NIBAN1: variants seen among roughly 807,000 people sequenced by gnomAD.
NIBAN1 encodes protein Niban 1.
Under a neutral mutation model 75.1 loss-of-function variants are expected in NIBAN1, and 81 were observed. The ratio of observed to expected loss-of-function variants is 1.08; its 90% CI spans 0.90 to 1.30. The LOEUF is 1.30. Among genes scored for constraint, NIBAN1 ranks in the 50% most tolerant of loss-of-function variants. The pLI is 0.00. For synonymous variants in NIBAN1, 436 were observed against 424.8 expected, an observed-to-expected ratio of 1.03 and a Z score of -0.32; for missense variants, 1,133 against 1,128.1, an observed-to-expected ratio of 1.00 and a Z score of -0.06.
intron 5 of NIBAN1, among the ~76,000 whole-genome samples, chr1:184,869,172 A>T (rs1252528503): frequency 2.6e-5 from 4 of 152,184 alleles, no homozygotes; most frequent in Admixed American, 6.5e-5. Context: ...GGTCATGTCT[A>T]AGGGAAAGGT....
At chr1:184,871,818 T>C (rs1373178302) in intron 5 of NIBAN1, among the ~76,000 whole-genome samples, 1 of 152,212 alleles carries the variant, frequency 6.6e-6, no homozygotes, top group Non-Finnish European at 1.5e-5. Context: ...GAAAATTGTC[T>C]GTCTCAAACC....
At chr1:184,966,518 CCT>C (rs963263551) in intron 1 of NIBAN1, among the ~76,000 whole-genome samples, 12 of 152,146 alleles carry the variant, frequency 7.9e-5, no homozygotes, top group African/African-American at 2.9e-4. Flanking sequence ...CAAATAAATA[CCT>C]GTTTTAAGAG....
chr1:184,933,389 G>A (rs12057488), intron 1 of NIBAN1, among the ~76,000 whole-genome samples: 20 of 152,294 alleles, frequency 1.3e-4, no homozygotes, highest in African/African-American at 3.6e-4. Context: ...TACATTTTCC[G>A]CAAAGCCCTT....
intron 13 of NIBAN1, among the ~76,000 whole-genome samples, chr1:184,796,863 A>G (rs1653887626): frequency 6.6e-6 from 1 of 152,250 alleles, no homozygotes; most frequent in Admixed American, 6.5e-5. Context: ...ACAGACAGCA[A>G]TAAAGTGTCT....
intron 5 of NIBAN1, among the ~76,000 whole-genome samples, chr1:184,844,031 G>T (rs538560114): frequency 6.6e-6 from 1 of 152,272 alleles, no homozygotes; most frequent in East Asian, 1.9e-4. Flanking sequence ...AAACAAATAG[G>T]GAAGATGCTT....
At chr1:184,827,829 G>C (rs1654884748) in intron 6 of NIBAN1, among the ~76,000 whole-genome samples, 1 of 151,954 alleles carries the variant, frequency 6.6e-6, no homozygotes, top group South Asian at 2.1e-4. Flanking sequence ...TGCTGGTCCA[G>C]GCCCCTTGCA....
At chr1:184,813,349 T>C (rs991373054) in intron 9 of NIBAN1, among the ~76,000 whole-genome samples, 1 of 152,178 alleles carries the variant, frequency 6.6e-6, no homozygotes, top group African/African-American at 2.4e-5. Context: ...TTAACTTCAG[T>C]AATTTTTGGG....
intron 3 of NIBAN1, among the ~76,000 whole-genome samples, chr1:184,893,057 C>A (rs1053728051): frequency 6.6e-6 from 1 of 152,216 alleles, no homozygotes; most frequent in African/African-American, 2.4e-5. Context: ...CAGGCATGAG[C>A]TACTGCACCT....
rs998357573 is a variant in NIBAN1 at position 184,884,794 on chromosome 1, C to G, written c.440G>C (p.Ser147Thr). ...DRHFPDPLAS[S>T]EKENTQPFVV... ...AAAGGGCTGAGTGTTCTCCTTCTCA[C>G]TGGAGGCTAAAGAAATATTGAAAAC... Residue 147 changes from serine to threonine, a missense_variant, in exon 5 of 14, where the codon AGT (serine) becomes ACT (threonine). Physicochemically the swap from Ser to Thr is moderately conservative, Grantham distance 58. Coordinates refer to ENST00000367511, the MANE Select transcript of NIBAN1 (RefSeq NM_052966.4). 1 of 1,613,212 alleles carries G rather than the reference C, an allele frequency of 6.2e-7. No individual in the cohort carries two copies. Among genetic ancestry groups the G allele is most frequent in the African/African-American group, 1.3e-5 (1 of 74,868 alleles).
At chr1:184,866,535 T>A (rs1341297941) in intron 5 of NIBAN1, among the ~76,000 whole-genome samples, 1 of 152,126 alleles carries the variant, frequency 6.6e-6, no homozygotes, top group Non-Finnish European at 1.5e-5. Flanking sequence ...AACTGTCAGC[T>A]CCCTATAATA....
At chr1:184,973,509 TG>T (rs1483671634) in intron 1 of NIBAN1, among the ~76,000 whole-genome samples, 1 of 119,664 alleles carries the variant, frequency 8.4e-6, no homozygotes, top group Admixed American at 8.5e-5. Flanking sequence ...AAGTTTGGGG[TG>T]GGGGGTGAGA....
In NIBAN1 at chr1:184,897,705, T is replaced by C. The variant is rs541923310; in HGVS notation, c.186+1474A>G. ...GGCCAAAAGGGAACTCGTGATCCCA[T>C]TCACTCCGACTCTTCCTTCTAAGTA... On this transcript the variant is annotated intron_variant, in intron 2 of 13. Transcript: ENST00000367511. 1.1e-4 allele frequency among the ~76,000 whole-genome samples: 16 copies of C among 152,342 alleles called. No individual in the cohort carries two copies. In the South Asian group the frequency reaches 3.3e-3, roughly 32 times the overall value.
At chr1:184,910,911 T>A (rs906640112) in intron 1 of NIBAN1, among the ~76,000 whole-genome samples, 1 of 152,188 alleles carries the variant, frequency 6.6e-6, no homozygotes, top group Non-Finnish European at 1.5e-5. Flanking sequence ...GCTTTGGACA[T>A]GCACTGGAGC....
chr1:184,891,045 C>G (rs1318950059), intron 3 of NIBAN1, among the ~76,000 whole-genome samples: 2 of 152,162 alleles, frequency 1.3e-5, no homozygotes, highest in Non-Finnish European at 2.9e-5. Context: ...AGAATTTACT[C>G]TTGGAAATGA....
Position 184,808,103 on chromosome 1 carries a change from C to A in NIBAN1, c.1306G>T (p.Val436Phe). The A allele has an allele frequency of 6.2e-7, 1 of 1,614,066 alleles. No homozygotes were observed. The highest frequency in any genetic ancestry group is 8.5e-7 in the Non-Finnish European group (1 of 1,179,960). Residue 436 changes from valine to phenylalanine, a missense_variant, in exon 10 of 14, where the codon GTT (valine) becomes TTT (phenylalanine). Coordinates refer to ENST00000367511, the MANE Select transcript of NIBAN1 (RefSeq NM_052966.4). ...RFRFPHIDLV[V>F]QRTQNYMQEL... ...TGCATGTAGTTCTGTGTCCTCTGAA[C>A]CACCAGATCAATGTGGGGGAATCTG... is the stretch of plus-strand genomic sequence containing the variant.
intron 1 of NIBAN1, among the ~76,000 whole-genome samples, chr1:184,906,797 T>C (rs1657118193): frequency 6.6e-6 from 1 of 152,198 alleles, no homozygotes; most frequent in Non-Finnish European, 1.5e-5. Context: ...CCACAGCAAA[T>C]ACAAGGCTCT....
At chr1:184,873,864 G>C (rs1032560696) in intron 5 of NIBAN1, among the ~76,000 whole-genome samples, 9 of 151,620 alleles carry the variant, frequency 5.9e-5, no homozygotes, top group Admixed American at 5.9e-4. Context: ...GAACCTAAGA[G>C]AGTATAGTAA....
chr1:184,823,723 A>G lies in NIBAN1; in HGVS notation c.737T>C (p.Met246Thr), dbSNP rs772929046. Reference sequence around the variant, plus strand: ...CTGAAGAGTGGGCAGGAGCTCCTCCATCACCAGGTTACTCAGGATCTGCGC... The same window carrying G: ...CTGAAGAGTGGGCAGGAGCTCCTCCGTCACCAGGTTACTCAGGATCTGCGC... Reference protein sequence around the residue: ...DEIQILSNLVMEELLPTLQTD... With the variant: ...DEIQILSNLVTEELLPTLQTD... The change falls in exon 7 of 14, where the codon ATG (methionine) becomes ACG (threonine). Residue 246 changes from methionine (M) to threonine (T), a missense_variant. Physicochemically the swap from Met to Thr is moderately conservative, Grantham distance 81 (BLOSUM62 -1). Transcript: ENST00000367511. The G allele has an allele frequency of 2.5e-6, 4 of 1,614,016 alleles. No individual in the cohort carries two copies. The highest frequency in any genetic ancestry group is 1.1e-5 in the South Asian group (1 of 91,086).
intron 11 of NIBAN1, among the ~76,000 whole-genome samples, chr1:184,805,709 G>T (rs535134072): frequency 6.6e-6 from 1 of 152,270 alleles, no homozygotes; most frequent in East Asian, 1.9e-4. Context: ...AGGCTGGGAC[G>T]CGGGGCCTGT....
Sources: gnomAD v4.1 joint callset for allele counts (sites outside exome capture counted in the v4.1 genomes callset) on GRCh38, gnomAD v4.1.1 for gene constraint, MANE v1.5 for transcripts, NCBI Gene and HGNC (gene_info 2026-07-23, HGNC 2026-07-21) for gene names.